The following SPIRE1 variants were observed in gnomAD, a reference collection of about 807,000 sequenced individuals.
SPIRE1 encodes spire type actin nucleation factor 1.
In SPIRE1, 40 loss-of-function variants were observed where a neutral mutation model predicts 94.1. The observed-to-expected ratio is 0.43, with a 90% CI of 0.33 to 0.55. The LOEUF (loss-of-function observed/expected upper bound fraction) is 0.55, where lower values mean the gene tolerates loss of function less well. Ranked by LOEUF, SPIRE1 falls within the 20% of genes least tolerant of loss-of-function variation. SPIRE1 has a pLI of 0.06. For synonymous variants in SPIRE1, 376 were observed against 371.7 expected (o/e 1.01, Z -0.13); for missense variants, 838 against 975.2 (o/e 0.86, Z 1.87).
At chr18:12,587,839 C>T (rs1263629006) in intron 2 of SPIRE1, among the ~76,000 whole-genome samples, 2 of 152,176 alleles carry the variant, frequency 1.3e-5, no homozygotes, top group Admixed American at 6.5e-5. Context: ...TCTTAAGATA[C>T]AATCACCATA....
At chr18:12,575,494 A>G (rs1018486299) in intron 2 of SPIRE1, among the ~76,000 whole-genome samples, 5 of 152,156 alleles carry the variant, frequency 3.3e-5, no homozygotes, top group African/African-American at 1.2e-4. Flanking sequence ...CTACAGATGC[A>G]CACTACCAGG....
At chr18:12,536,765 C>G (rs2034856378) in intron 3 of SPIRE1, among the ~76,000 whole-genome samples, 2 of 152,114 alleles carry the variant, frequency 1.3e-5, no homozygotes, top group Admixed American at 6.6e-5. Flanking sequence ...GAAAGACATC[C>G]TATTAAGAGT....
At chr18:12,551,321 C>T (rs904734613) in intron 2 of SPIRE1, among the ~76,000 whole-genome samples, 1 of 152,112 alleles carries the variant, frequency 6.6e-6, no homozygotes, top group Admixed American at 6.6e-5. Context: ...AACAGTAATA[C>T]ATCTACTTCT....
At chr18:12,514,976 C>T (rs1415555453) in intron 4 of SPIRE1, among the ~76,000 whole-genome samples, 3 of 152,094 alleles carry the variant, frequency 2.0e-5, no homozygotes, top group Non-Finnish European at 4.4e-5. Context: ...AAATCAAGTA[C>T]GCATAAATGG....
chr18:12,459,705 CAG>C lies in SPIRE1; in HGVS notation c.1638+3644_1638+3645del, dbSNP rs1194939088. On this transcript the variant is annotated intron_variant, in intron 12 of 16. Coordinates refer to ENST00000409402, the MANE Select transcript of SPIRE1 (RefSeq NM_001128626.2). The stretch of plus-strand genomic sequence containing the variant: ...AACGCAACAGTTGAGGTGTCACCGT[CAG>C]AGATACAGAGAATGAAATAATCCCA... 3.1e-6 allele frequency: 3 copies of C among 967,042 alleles called. No individual in the cohort carries two copies. In the East Asian group the frequency reaches 3.4e-4, roughly 111 times the overall value. 59.9% of individuals were successfully genotyped at this position (967,042 alleles called of 1,614,324 possible).
intron 2 of SPIRE1, among the ~76,000 whole-genome samples, chr18:12,606,356 C>T (rs1197276527): frequency 2.0e-5 from 2 of 99,806 alleles, no homozygotes; most frequent in Non-Finnish European, 5.1e-5. Flanking sequence ...AGAATAAAGA[C>T]AGAAGAAAAA....
chr18:12,563,387 TC>T (rs1342805457), intron 2 of SPIRE1, among the ~76,000 whole-genome samples: 1 of 152,074 alleles, frequency 6.6e-6, no homozygotes, highest in African/African-American at 2.4e-5. Flanking sequence ...ATAGGTGTGA[TC>T]ATAATGTACA....
chr18:12,583,379 G>A (rs1056043667), intron 2 of SPIRE1, among the ~76,000 whole-genome samples: 3 of 152,250 alleles, frequency 2.0e-5, no homozygotes, highest in Middle Eastern at 3.4e-3. Context: ...CAAGGCAGGC[G>A]GATCATGAGG....
At chr18:12,557,701 CTACAATA>C (rs1246125476) in intron 2 of SPIRE1, among the ~76,000 whole-genome samples, 1 of 135,904 alleles carries the variant, frequency 7.4e-6, no homozygotes, top group Non-Finnish European at 1.7e-5. Flanking sequence ...TCACCTCTCA[CTACAATA>C]TACAAATATA....
intron 12 of SPIRE1, among the ~76,000 whole-genome samples, chr18:12,462,265 T>C (rs1228124999): frequency 1.3e-5 from 2 of 152,258 alleles, no homozygotes. Context: ...ATCTCCCATC[T>C]GTTATTACTT....
At chr18:12,556,730 G>T (rs1298698123) in intron 2 of SPIRE1, among the ~76,000 whole-genome samples, 1 of 152,154 alleles carries the variant, frequency 6.6e-6, no homozygotes, top group Admixed American at 6.5e-5. Flanking sequence ...GCTGGCTTCA[G>T]GAGTGAAGCT....
At chr18:12,479,231 G>C (rs1184682210) in intron 10 of SPIRE1, among the ~76,000 whole-genome samples, 6 of 144,980 alleles carry the variant, frequency 4.1e-5, no homozygotes, top group Non-Finnish European at 7.4e-5. Context: ...CTGGAATGCA[G>C]TGGCACAGTC....
chr18:12,582,940 T>C (rs573014021), intron 2 of SPIRE1, among the ~76,000 whole-genome samples: 2 of 152,162 alleles, frequency 1.3e-5, no homozygotes, highest in Non-Finnish European at 2.9e-5. Flanking sequence ...ATCAGACATA[T>C]ACAGTGAACC....
chr18:12,463,583 A>ATCTT, intron 11 of SPIRE1, 90 bp from the exon 12 acceptor site: 4 of 1,057,894 alleles, frequency 3.8e-6, no homozygotes, highest in South Asian at 3.3e-5. Flanking sequence ...TAATTCAAAG[A>ATCTT]TGAATTATTT....
chr18:12,635,830 G>A (rs765018089), intron 1 of SPIRE1, among the ~76,000 whole-genome samples: 2 of 151,198 alleles, frequency 1.3e-5, no homozygotes, highest in African/African-American at 2.4e-5. Context: ...CAAAAAGAAC[G>A]AATAACACAA....
chr18:12,519,732 A>G (rs1057257927), intron 4 of SPIRE1, among the ~76,000 whole-genome samples: 1 of 152,248 alleles, frequency 6.6e-6, no homozygotes, highest in African/African-American at 2.4e-5. Context: ...ATTTACAATA[A>G]GACAAATGCA....
chr18:12,640,230 C>T (rs925303975), intron 1 of SPIRE1, among the ~76,000 whole-genome samples: 13 of 152,122 alleles, frequency 8.5e-5, no homozygotes, highest in African/African-American at 3.1e-4. Context: ...GCAAACTATA[C>T]CTACCAAAAA....
intron 2 of SPIRE1, among the ~76,000 whole-genome samples, chr18:12,614,390 C>T (rs1264376699): frequency 6.6e-6 from 1 of 152,154 alleles, no homozygotes; most frequent in African/African-American, 2.4e-5. Flanking sequence ...TGTATTTTTA[C>T]CAGACAGTGC....
At chr18:12,456,501 G>C (rs2031514984) in intron 12 of SPIRE1, among the ~76,000 whole-genome samples, 1 of 152,164 alleles carries the variant, frequency 6.6e-6, no homozygotes, top group Non-Finnish European at 1.5e-5. Flanking sequence ...TGGCTATGCT[G>C]CAACAAAATA....
Sources: allele counts gnomAD v4.1 joint callset (sites outside exome capture counted in the v4.1 genomes callset), GRCh38; gene constraint gnomAD v4.1.1; transcripts MANE v1.5; gene names NCBI Gene and HGNC (gene_info 2026-07-23, HGNC 2026-07-21).